The following ARF3 variants were observed in gnomAD, a reference collection of about 807,000 sequenced individuals.
ARF3 encodes the protein ARF GTPase 3.
In ARF3, 5 loss-of-function variants were observed where a neutral mutation model predicts 19.3. That is an observed-to-expected ratio of 0.26 (90% CI 0.14 to 0.54). ARF3 has a LOEUF of 0.54. Ranked by LOEUF, ARF3 falls within the 20% of genes least tolerant of loss-of-function variation. The pLI is 0.95. For synonymous variants in ARF3, 71 were observed against 89.2 expected (o/e 0.80, Z 1.15); for missense variants, 77 against 234.2 (o/e 0.33, Z 4.38).
rs954626868 is a variant in ARF3 at position 48,938,308 on chromosome 12, C to T, written c.*639G>A. On this transcript the variant is annotated 3_prime_UTR_variant, in exon 5 of 5. Transcript: ENST00000256682. The stretch of plus-strand genomic sequence containing the variant: ...TAACCAGTCAAAGACTGGGGCAGTC[C>T]GGCTTGACTAATGCCCTCCCACCTT... 6 of 444,464 alleles carry T rather than the reference C, an allele frequency of 1.3e-5. No homozygotes were observed. Among genetic ancestry groups the T allele is most frequent in the East Asian group, 7.1e-5 (1 of 14,178 alleles). The allele number at this position is 444,464 out of a possible 1,614,324, so 27.5% of individuals were successfully genotyped here.
At chr12:48,945,045 C>A (rs898756024) in intron 1 of ARF3, among the ~76,000 whole-genome samples, 1 of 146,948 alleles carries the variant, frequency 6.8e-6, no homozygotes, top group African/African-American at 2.5e-5. Context: ...GAAGCCGAGG[C>A]AGGAGAACCG....
At chr12:48,953,849 CTCTA>C (rs1328980315) in intron 1 of ARF3, among the ~76,000 whole-genome samples, 16 of 152,320 alleles carry the variant, frequency 1.1e-4, no homozygotes, top group Middle Eastern at 3.4e-3. Context: ...TTTATTAGCA[CTCTA>C]TCTATATTTG....
chr12:48,944,941 G>A (rs1940329969), intron 1 of ARF3, among the ~76,000 whole-genome samples: 1 of 151,618 alleles, frequency 6.6e-6, no homozygotes, highest in South Asian at 2.1e-4. Flanking sequence ...CCTGAGGCTG[G>A]GAGTTTGACA....
chr12:48,938,747 G>C lies in ARF3; in HGVS notation c.*200C>G. 1.5e-6 allele frequency: 1 copy of C among 645,994 alleles called. No individual in the cohort carries two copies. Among genetic ancestry groups the C allele is most frequent in the Non-Finnish European group, 2.7e-6 (1 of 375,222 alleles). 40.0% of individuals were successfully genotyped at this position (645,994 alleles called of 1,614,324 possible). A position where few individuals can be genotyped will look rare whatever the true frequency, so the allele number is the denominator to read the frequency against. The stretch of plus-strand genomic sequence containing the variant: ...AGTAAATTGGAATGACTCATCATCA[G>C]GACAGCAATTAGGGATTGGTCATAT... On this transcript the variant is annotated 3_prime_UTR_variant, in exon 5 of 5. Coordinates refer to ENST00000256682, the MANE Select transcript of ARF3 (RefSeq NM_001659.3).
intron 1 of ARF3, among the ~76,000 whole-genome samples, chr12:48,947,368 G>A (rs905909795): frequency 6.7e-6 from 1 of 148,674 alleles, no homozygotes; most frequent in Admixed American, 6.8e-5. Flanking sequence ...GTGCAGTGGC[G>A]CAATCTCGGC....
intron 1 of ARF3, among the ~76,000 whole-genome samples, chr12:48,943,251 A>G (rs959448689): frequency 3.3e-5 from 5 of 152,200 alleles, no homozygotes; most frequent in Non-Finnish European, 5.9e-5. Context: ...TCATTCATTC[A>G]TTCCCTTTCT....
At position 48,938,322 on chromosome 12, in the gene ARF3, C is replaced by T. The variant is rs1345674524; in HGVS notation, c.*625G>A. On this transcript the variant is annotated 3_prime_UTR_variant, in exon 5 of 5. Transcript: ENST00000256682. ...CTGGGGCAGTCCGGCTTGACTAATG[C>T]CCTCCCACCTTCTTCCCTTAATCTC... The T allele has an allele frequency of 2.2e-6, 1 of 450,112 alleles. No individual in the cohort carries two copies. The highest frequency in any genetic ancestry group is 2.4e-5 in the Admixed American group (1 of 42,268). 27.9% of individuals were successfully genotyped at this position (450,112 alleles called of 1,614,324 possible). A position where few individuals can be genotyped will look rare whatever the true frequency, so the allele number is the denominator to read the frequency against.
intron 1 of ARF3, among the ~76,000 whole-genome samples, chr12:48,954,552 C>T (rs1940526817): frequency 6.6e-6 from 1 of 152,240 alleles, no homozygotes; most frequent in African/African-American, 2.4e-5. Context: ...TCTTGAAAAC[C>T]ATATGTCATT....
intron 1 of ARF3, among the ~76,000 whole-genome samples, chr12:48,947,758 G>A (rs907789290): frequency 9.2e-5 from 14 of 152,196 alleles, no homozygotes; most frequent in Admixed American, 2.0e-4. Context: ...ATAGTATTAT[G>A]TGAACAGAAA....
At position 48,949,214 on chromosome 12, in the gene ARF3, ATGTT is replaced by A. The variant is rs1360881797; in HGVS notation, c.-93-8030_-93-8027del. On this transcript the variant is annotated intron_variant, in intron 1 of 4. Transcript: ENST00000256682. ...GGAACAGATCTGAAGGTGAATATGT[ATGTT>A]TGTTTGTTTGTTGTTGTTGTTGTCT... 3.9e-5 allele frequency among the ~76,000 whole-genome samples: 6 copies of A among 152,086 alleles called. No homozygotes were observed. In the East Asian group the frequency reaches 7.7e-4, roughly 20 times the overall value.
At position 48,939,121 on chromosome 12, in the gene ARF3, G is replaced by A; in HGVS notation, c.385-13C>T. ...CATTAGGCAGATCCTGGAGCACGTG[G>A]GAGACACATAAAAAGAAGCCTCAGG... On this transcript the variant is annotated splice_polypyrimidine_tract_variant and intron_variant, in intron 4 of 4. Transcript: ENST00000256682. The surrounding 1 kb of genome is among the most constrained non-coding windows in gnomAD (Gnocchi z 4.8). The A allele has an allele frequency of 1.2e-6, 2 of 1,607,290 alleles. No individual in the cohort carries two copies. Among genetic ancestry groups the A allele is most frequent in the South Asian group, 2.2e-5 (2 of 90,668 alleles).
intron 1 of ARF3, among the ~76,000 whole-genome samples, chr12:48,948,017 G>A (rs1286140624): frequency 6.7e-6 from 1 of 149,074 alleles, no homozygotes; most frequent in East Asian, 2.0e-4. Flanking sequence ...GCCAGCCTGG[G>A]CAACATGGCA....
intron 1 of ARF3, among the ~76,000 whole-genome samples, chr12:48,941,884 T>C (rs1940264681): frequency 6.6e-6 from 1 of 152,114 alleles, no homozygotes; most frequent in African/African-American, 2.4e-5. Flanking sequence ...GGGCTACCCC[T>C]TTACTCCTCA....
At chr12:48,955,396 C>G (rs761309918) in intron 1 of ARF3, among the ~76,000 whole-genome samples, 1 of 152,198 alleles carries the variant, frequency 6.6e-6, no homozygotes, top group Non-Finnish European at 1.5e-5. Flanking sequence ...GGAGAGACCC[C>G]TTTGCCCACA....
chr12:48,952,903 A>G (rs2137595902), intron 1 of ARF3, among the ~76,000 whole-genome samples: 1 of 152,336 alleles, frequency 6.6e-6, no homozygotes, highest in Admixed American at 6.5e-5. Context: ...TACTGATCCT[A>G]TCAGCCACTG....
At chr12:48,942,029 T>TA (rs1243066199) in intron 1 of ARF3, among the ~76,000 whole-genome samples, 1 of 152,156 alleles carries the variant, frequency 6.6e-6, no homozygotes, top group Non-Finnish European at 1.5e-5. Flanking sequence ...ATATAGCATC[T>TA]AGGGTGGTTT....
chr12:48,940,137 TG>T, intron 2 of ARF3, 30 bp from the exon 3 acceptor site: 1 of 1,593,320 alleles, frequency 6.3e-7, no homozygotes, highest in Non-Finnish European at 8.6e-7. Context: ...AATGGCCACT[TG>T]GCCTCAAACA....
intron 1 of ARF3, among the ~76,000 whole-genome samples, chr12:48,949,729 G>C (rs1405483060): frequency 6.6e-6 from 1 of 151,544 alleles, no homozygotes; most frequent in Non-Finnish European, 1.5e-5. Flanking sequence ...TTTTTTTGTA[G>C]AGACAAGGTC....
At position 48,942,221 on chromosome 12, in the gene ARF3, C is replaced by G. The variant is rs75105469; in HGVS notation, c.-93-1033G>C. 9.9e-5 allele frequency among the ~76,000 whole-genome samples: 15 copies of G among 151,856 alleles called. 1 individual carries two copies. In the East Asian group the frequency reaches 2.9e-3, roughly 29 times the overall value. ...TGCTTACTCCACTCCAATTCCCCAACACTTTCCTTTCCTGCCTCAAAGCTT... is the reference window on the plus strand; with the variant it reads ...TGCTTACTCCACTCCAATTCCCCAAGACTTTCCTTTCCTGCCTCAAAGCTT... On this transcript the variant is annotated intron_variant, in intron 1 of 4. Transcript: ENST00000256682.
Sources: allele counts gnomAD v4.1 joint callset (sites outside exome capture counted in the v4.1 genomes callset), GRCh38; gene constraint gnomAD v4.1.1; non-coding constraint Gnocchi (gnomAD v3.1); transcripts MANE v1.5; gene names NCBI Gene and HGNC (gene_info 2026-07-23, HGNC 2026-07-21).